Variants in RORA observed in about 807,000 individuals in gnomAD.
RORA encodes nuclear receptor ROR-alpha.
RORA carries 7 observed loss-of-function variants against 69.5 expected under a neutral mutation model. That is an observed-to-expected ratio of 0.10 (90% CI 0.06 to 0.19). The LOEUF is 0.19. Ranked by LOEUF, RORA falls within the 10% of genes least tolerant of loss-of-function variation. The pLI is 1.00. For missense variants in RORA, 457 were observed against 663.0 expected (o/e 0.69, Z 3.41); for synonymous variants, 261 against 240.8 (o/e 1.08, Z -0.78).
At chr15:61,107,947 A>T (rs1015504839) in intron 1 of RORA, among the ~76,000 whole-genome samples, 1 of 152,202 alleles carries the variant, frequency 6.6e-6, no homozygotes, top group African/African-American at 2.4e-5. Flanking sequence ...TTAATCAGTG[A>T]GTAATTAATA....
At chr15:60,549,749 C>G (rs972021561) in intron 2 of RORA, among the ~76,000 whole-genome samples, 1 of 152,140 alleles carries the variant, frequency 6.6e-6, no homozygotes, top group Non-Finnish European at 1.5e-5. Flanking sequence ...CCACCCCCTC[C>G]CATCTCCTTC....
chr15:61,009,745 A>G (rs745899748), intron 1 of RORA, among the ~76,000 whole-genome samples: 3 of 152,226 alleles, frequency 2.0e-5, no homozygotes, highest in Non-Finnish European at 2.9e-5. Context: ...GTAAAATATT[A>G]TTAGTCCTGA....
At chr15:60,909,548 A>C (rs1448269279) in intron 1 of RORA, among the ~76,000 whole-genome samples, 1 of 152,226 alleles carries the variant, frequency 6.6e-6, no homozygotes, top group Non-Finnish European at 1.5e-5. Context: ...CTGAAAAAAA[A>C]CCATAGAAAA....
intron 2 of RORA, among the ~76,000 whole-genome samples, chr15:60,533,895 C>G (rs957536654): frequency 6.6e-6 from 1 of 152,226 alleles, no homozygotes; most frequent in Non-Finnish European, 1.5e-5. Context: ...ACAAAAACCT[C>G]TTTAGGTCCT....
At position 61,014,766 on chromosome 15, in the gene RORA, A is replaced by G. The variant is rs529252184; in HGVS notation, c.166+214287T>C. Among the ~76,000 whole-genome samples, 3 of 152,338 alleles carry G rather than the reference A, an allele frequency of 2.0e-5. No individual in the cohort carries two copies. In the South Asian group the frequency reaches 6.2e-4, roughly 32 times the overall value. ...TATCAATTTTTCACTTCACACTGCT[A>G]ACACAGACGAAGCCAAAGGGGTAGA... On this transcript the variant is annotated intron_variant, in intron 1 of 10. Transcript: ENST00000335670.
At chr15:60,820,244 T>C (rs1350770203) in intron 1 of RORA, among the ~76,000 whole-genome samples, 1 of 152,136 alleles carries the variant, frequency 6.6e-6, no homozygotes, top group African/African-American at 2.4e-5. Context: ...TTCTAGCACG[T>C]GTTTTGAAAG....
intron 1 of RORA, among the ~76,000 whole-genome samples, chr15:60,694,518 A>G (rs1004259101): frequency 6.6e-6 from 1 of 152,106 alleles, no homozygotes; most frequent in Non-Finnish European, 1.5e-5. Context: ...GAGAGTTTCG[A>G]TGGTGTATTG....
chr15:60,689,568 C>T (rs1487808991), intron 1 of RORA, among the ~76,000 whole-genome samples: 3 of 152,004 alleles, frequency 2.0e-5, no homozygotes, highest in African/African-American at 7.3e-5. Flanking sequence ...CTGATACCTG[C>T]GAATGTGACC....
chr15:60,575,975 T>C (rs1477896896), intron 2 of RORA, among the ~76,000 whole-genome samples: 1 of 152,228 alleles, frequency 6.6e-6, no homozygotes, highest in Non-Finnish European at 1.5e-5. Context: ...CAGCTGCACC[T>C]TCCCAACACC....
At chr15:61,207,608 T>C (rs1448279024) in intron 1 of RORA, among the ~76,000 whole-genome samples, 2 of 152,194 alleles carry the variant, frequency 1.3e-5, no homozygotes, top group Non-Finnish European at 2.9e-5. Flanking sequence ...ACATCTACCT[T>C]TTCATCACAA....
At chr15:60,872,386 G>A (rs991550545) in intron 1 of RORA, among the ~76,000 whole-genome samples, 11 of 152,248 alleles carry the variant, frequency 7.2e-5, no homozygotes, top group African/African-American at 2.2e-4. Flanking sequence ...GCCATGATCC[G>A]CAGGCAAACA....
At chr15:60,679,209 C>G (rs766575125) in intron 1 of RORA, among the ~76,000 whole-genome samples, 3 of 152,182 alleles carry the variant, frequency 2.0e-5, no homozygotes, top group Non-Finnish European at 4.4e-5. Flanking sequence ...ACCTATGTGT[C>G]TGTACTCATT....
intron 1 of RORA, among the ~76,000 whole-genome samples, chr15:61,081,974 T>C (rs1158689651): frequency 6.6e-6 from 1 of 152,160 alleles, no homozygotes; most frequent in Non-Finnish European, 1.5e-5. Flanking sequence ...AAACAGCCCA[T>C]ATTTAGGGTT....
At chr15:61,171,704 C>A (rs569655896) in intron 1 of RORA, among the ~76,000 whole-genome samples, 1 of 152,172 alleles carries the variant, frequency 6.6e-6, no homozygotes, top group Non-Finnish European at 1.5e-5. Context: ...GGAGGTGGCC[C>A]CCATTGGGAA....
intron 1 of RORA, among the ~76,000 whole-genome samples, chr15:60,762,994 T>C (rs1048426767): frequency 6.7e-6 from 1 of 150,258 alleles, no homozygotes; most frequent in African/African-American, 2.5e-5. Flanking sequence ...AACAAAAATG[T>C]TTTCAGGGAA....
intron 1 of RORA, among the ~76,000 whole-genome samples, chr15:61,182,131 T>C (rs2079692714): frequency 6.6e-6 from 1 of 152,208 alleles, no homozygotes; most frequent in African/African-American, 2.4e-5. Context: ...TTTTCCTTAT[T>C]AGAGGTAGAG....
chr15:60,956,075 T>G (rs1893260069), intron 1 of RORA, among the ~76,000 whole-genome samples: 1 of 152,228 alleles, frequency 6.6e-6, no homozygotes, highest in Admixed American at 6.5e-5. Flanking sequence ...CCAGCCTGTT[T>G]GTAACAAAAA....
intron 1 of RORA, among the ~76,000 whole-genome samples, chr15:60,854,961 C>G (rs2140418239): frequency 6.6e-6 from 1 of 152,304 alleles, no homozygotes; most frequent in South Asian, 2.1e-4. Context: ...AAGTTCTGTG[C>G]CTGTCCCTGT....
intron 2 of RORA, among the ~76,000 whole-genome samples, chr15:60,616,854 AC>A (rs1336482651): frequency 1.3e-5 from 2 of 152,010 alleles, no homozygotes; most frequent in Non-Finnish European, 2.9e-5. Flanking sequence ...GGTCCTCAAA[AC>A]CCCCCTTGTT....
Sources: gnomAD v4.1 joint callset for allele counts (sites outside exome capture counted in the v4.1 genomes callset) on GRCh38, gnomAD v4.1.1 for gene constraint, MANE v1.5 for transcripts, NCBI Gene and HGNC (gene_info 2026-07-23, HGNC 2026-07-21) for gene names.